Variants in CDYL2 observed in about 807,000 individuals in gnomAD.
CDYL2 encodes chromodomain Y-like protein 2.
A neutral mutation model predicts 49.4 loss-of-function variants in CDYL2; 23 were observed. The ratio of observed to expected loss-of-function variants is 0.47; its 90% CI spans 0.34 to 0.66. CDYL2 has a LOEUF of 0.66. CDYL2 is among the 30% of genes least tolerant of loss of function. CDYL2 has a pLI of 0.01. For synonymous variants in CDYL2, 360 were observed against 268.8 expected (o/e 1.34, Z -3.32); for missense variants, 678 against 656.4 (o/e 1.03, Z -0.36).
chr16:80,712,044 T>G (rs1235372223), intron 1 of CDYL2, among the ~76,000 whole-genome samples: 3 of 150,584 alleles, frequency 2.0e-5, no homozygotes, highest in African/African-American at 4.9e-5. Flanking sequence ...TATATATGTG[T>G]GTATATAGAT....
At chr16:80,650,036 A>T (rs1049023636) in intron 2 of CDYL2, among the ~76,000 whole-genome samples, 1 of 152,336 alleles carries the variant, frequency 6.6e-6, no homozygotes, top group Middle Eastern at 3.4e-3. Context: ...CATTGGGGAA[A>T]ATCTCCAGGA....
At chr16:80,647,413 A>C (rs1477993105) in intron 2 of CDYL2, among the ~76,000 whole-genome samples, 2 of 152,198 alleles carry the variant, frequency 1.3e-5, no homozygotes, top group Admixed American at 1.3e-4. Context: ...CTAAGCAAAA[A>C]GAACAAAACT....
intron 1 of CDYL2, among the ~76,000 whole-genome samples, chr16:80,765,125 AG>A (rs1906673962): frequency 6.9e-6 from 1 of 143,938 alleles, no homozygotes; most frequent in Non-Finnish European, 1.5e-5. Flanking sequence ...TATAACATAT[AG>A]TACTATATAA....
chr16:80,718,903 A>G (rs892081790), intron 1 of CDYL2, among the ~76,000 whole-genome samples: 3 of 152,220 alleles, frequency 2.0e-5, no homozygotes, highest in Non-Finnish European at 4.4e-5. Context: ...AAGGACTTAG[A>G]GCCAGGGAAC....
chr16:80,704,112 T>G (rs549885642), intron 1 of CDYL2, among the ~76,000 whole-genome samples: 1 of 152,160 alleles, frequency 6.6e-6, no homozygotes, highest in African/African-American at 2.4e-5. Flanking sequence ...TGAGGTACAT[T>G]AGATGGTGCT....
intron 1 of CDYL2, among the ~76,000 whole-genome samples, chr16:80,746,638 TAAC>T (rs1905940504): frequency 1.3e-5 from 2 of 152,222 alleles, no homozygotes; most frequent in South Asian, 4.1e-4. Context: ...GATCTTCCCT[TAAC>T]AACTAGACAA....
chr16:80,632,029 A>C (rs1047573680), intron 3 of CDYL2, among the ~76,000 whole-genome samples: 1 of 152,216 alleles, frequency 6.6e-6, no homozygotes, highest in African/African-American at 2.4e-5. Context: ...AATTCTAAGA[A>C]TTGGAATAGA....
At chr16:80,735,689 A>C (rs1487803538) in intron 1 of CDYL2, among the ~76,000 whole-genome samples, 1 of 152,092 alleles carries the variant, frequency 6.6e-6, no homozygotes, top group Non-Finnish European at 1.5e-5. Context: ...TTGTGCATAG[A>C]CCTTTTTTTC....
At chr16:80,708,925 T>C (rs1460080747) in intron 1 of CDYL2, among the ~76,000 whole-genome samples, 2 of 152,194 alleles carry the variant, frequency 1.3e-5, no homozygotes, top group Admixed American at 6.5e-5. Context: ...AAATTGCTTA[T>C]TATAAAGCAA....
intron 1 of CDYL2, among the ~76,000 whole-genome samples, chr16:80,775,962 A>G (rs1597128119): frequency 1.3e-5 from 2 of 151,896 alleles, no homozygotes; most frequent in East Asian, 3.8e-4. Context: ...TTAGGTCACA[A>G]AAATTCAGTA....
At chr16:80,722,222 G>C (rs1334592783) in intron 1 of CDYL2, among the ~76,000 whole-genome samples, 2 of 152,068 alleles carry the variant, frequency 1.3e-5, no homozygotes, top group Non-Finnish European at 2.9e-5. Flanking sequence ...TGAATAAAAT[G>C]AATAAATAAG....
intron 1 of CDYL2, among the ~76,000 whole-genome samples, chr16:80,765,035 G>C (rs1303786883): frequency 1.4e-5 from 2 of 146,612 alleles, no homozygotes; most frequent in Admixed American, 1.4e-4. Context: ...ACTCCAGCCT[G>C]GGTGACAGTG....
chr16:80,792,670 T>C (rs559905270), intron 1 of CDYL2, among the ~76,000 whole-genome samples: 13 of 152,230 alleles, frequency 8.5e-5, no homozygotes, highest in South Asian at 4.2e-4. Flanking sequence ...AGGGATGGTG[T>C]CATGGATAAC....
At chr16:80,647,026 T>C (rs931901678) in intron 2 of CDYL2, among the ~76,000 whole-genome samples, 2 of 152,172 alleles carry the variant, frequency 1.3e-5, no homozygotes, top group South Asian at 4.2e-4. Context: ...TATATAATGA[T>C]AAATACACAA....
chr16:80,607,199 C>A, intron 6 of CDYL2, among the ~76,000 whole-genome samples: 1 of 152,140 alleles, frequency 6.6e-6, no homozygotes. Context: ...ACCCTCACCC[C>A]GCGAGCACTG....
intron 1 of CDYL2, among the ~76,000 whole-genome samples, chr16:80,773,942 C>A (rs1455759695): frequency 6.6e-6 from 1 of 151,888 alleles, no homozygotes; most frequent in Non-Finnish European, 1.5e-5. Context: ...GTTCTACAAA[C>A]AGATAGGTTT....
chr16:80,612,590 G>T lies in CDYL2; in HGVS notation c.1218+36C>A. ...AAACCCAAGGCAGAGGAAGGATCCT[G>T]CTGGGACCCGAATCCAGGTATCACA... On this transcript the variant is annotated intron_variant, in intron 5 of 6. Coordinates refer to ENST00000570137, the MANE Select transcript of CDYL2 (RefSeq NM_152342.4). This position sits in a 1 kb window ranked among gnomAD's most constrained non-coding sequence, Gnocchi z 5.0. 1 of 1,562,316 alleles carries T rather than the reference G, an allele frequency of 6.4e-7. No homozygotes were observed. The highest frequency in any genetic ancestry group is 1.4e-5 in the African/African-American group (1 of 73,756).
intron 1 of CDYL2, among the ~76,000 whole-genome samples, chr16:80,761,495 T>C (rs1485648050): frequency 6.6e-6 from 1 of 152,208 alleles, no homozygotes; most frequent in East Asian, 1.9e-4. Context: ...GTTCTTCTTT[T>C]TAATTATTGA....
At chr16:80,758,612 C>G (rs182198294) in intron 1 of CDYL2, among the ~76,000 whole-genome samples, 3,486 of 149,502 alleles carry the variant, frequency 0.023, 65 homozygotes, top group Non-Finnish European at 0.03. Flanking sequence ...GCACGATCTC[C>G]GCTCACTGCA....
Sources: allele counts gnomAD v4.1 joint callset (sites outside exome capture counted in the v4.1 genomes callset), GRCh38; gene constraint gnomAD v4.1.1; non-coding constraint Gnocchi (gnomAD v3.1); transcripts MANE v1.5; gene names NCBI Gene and HGNC (gene_info 2026-07-23, HGNC 2026-07-21).